Variants in UNC5D observed in about 807,000 individuals in gnomAD.
UNC5D encodes netrin receptor UNC5D.
UNC5D carries 39 observed loss-of-function variants against 105.4 expected under a neutral mutation model. The ratio of observed to expected loss-of-function variants is 0.37; its 90% CI spans 0.29 to 0.48. The LOEUF is 0.48. UNC5D is among the 20% of genes least tolerant of loss of function. The pLI is 0.98. For missense variants in UNC5D, 991 were observed against 1,202.4 expected, an observed-to-expected ratio of 0.82 and a Z score of 2.60; for synonymous variants, 452 against 450.4, an observed-to-expected ratio of 1.00 and a Z score of -0.04.
At chr8:35,470,194 C>T (rs1203849477) in intron 1 of UNC5D, among the ~76,000 whole-genome samples, 1 of 152,066 alleles carries the variant, frequency 6.6e-6, no homozygotes, top group African/African-American at 2.4e-5. Context: ...TTCATTTAGG[C>T]AGGTACTAAT....
intron 3 of UNC5D, among the ~76,000 whole-genome samples, chr8:35,574,946 T>C (rs1407938991): frequency 1.3e-5 from 2 of 152,112 alleles, no homozygotes; most frequent in African/African-American, 4.8e-5. Flanking sequence ...CCAAGGGCCA[T>C]CTTGCATGCT....
chr8:35,560,291 C>G (rs1259474846), intron 2 of UNC5D, among the ~76,000 whole-genome samples: 2 of 152,318 alleles, frequency 1.3e-5, no homozygotes, highest in African/African-American at 2.4e-5. Flanking sequence ...TCTGGAGATA[C>G]TGAAGTAAAT....
At chr8:35,650,790 G>T (rs972996029) in intron 4 of UNC5D, among the ~76,000 whole-genome samples, 1 of 152,104 alleles carries the variant, frequency 6.6e-6, no homozygotes, top group Middle Eastern at 3.2e-3. Flanking sequence ...CTGTCTTTTT[G>T]ATACAGTACT....
chr8:35,686,347 G>A (rs989744007), intron 6 of UNC5D, among the ~76,000 whole-genome samples, 198 bp from the exon 7 acceptor site: 2 of 152,212 alleles, frequency 1.3e-5, no homozygotes, highest in Non-Finnish European at 1.5e-5. Flanking sequence ...AATAGCAAGA[G>A]TATTATACCA....
intron 14 of UNC5D, 114 bp downstream of exon 14, chr8:35,759,583 C>A: frequency 8.2e-7 from 1 of 1,217,568 alleles, no homozygotes; most frequent in Non-Finnish European, 1.2e-6. Context: ...ATGGATTTCA[C>A]CTCAAAACTG....
intron 1 of UNC5D, among the ~76,000 whole-genome samples, chr8:35,492,855 A>G (rs1330846529): frequency 6.6e-6 from 1 of 152,180 alleles, no homozygotes; most frequent in East Asian, 1.9e-4. Flanking sequence ...CTGCACTGCA[A>G]ACAAAGATTG....
chr8:35,481,036 G>T (rs1044943088), intron 1 of UNC5D, among the ~76,000 whole-genome samples: 1 of 152,234 alleles, frequency 6.6e-6, no homozygotes, highest in African/African-American at 2.4e-5. Context: ...GATGTTAACA[G>T]GTTCCAGCAA....
chr8:35,248,097 T>A (rs1240561882), intron 1 of UNC5D, among the ~76,000 whole-genome samples: 1 of 75,866 alleles, frequency 1.3e-5, no homozygotes, highest in Non-Finnish European at 2.2e-5. Flanking sequence ...TATATAAATA[T>A]ATATTATATA....
chr8:35,781,449 T>C lies in UNC5D; in HGVS notation c.2657+6972T>C, dbSNP rs142469571. 9.1e-4 allele frequency among the ~76,000 whole-genome samples: 139 copies of C among 152,298 alleles called. 2 individuals are homozygous for C. The highest frequency in any genetic ancestry group is 3.2e-3 in the African/African-American group (134 of 41,564). On this transcript the variant is annotated intron_variant, in intron 16 of 16. Transcript: ENST00000404895. ...TTCTAGGCAGTGGGTGTGTGTGTGC[T>C]AGGTTTTGAAGGAATAGATTTCCTT...
intron 1 of UNC5D, among the ~76,000 whole-genome samples, chr8:35,298,070 C>T (rs558686841): frequency 6.6e-4 from 101 of 152,288 alleles, no homozygotes; most frequent in African/African-American, 2.4e-3. Context: ...TATGAGCTTC[C>T]CCTGCTCACC....
chr8:35,525,349 C>T lies in UNC5D; in HGVS notation c.104-23943C>T, dbSNP rs1328396253. ...TGATATGGGGGTGTAATAACAACTTCTTCCATGACTACGATGTTTTTTTCT... is the reference window on the plus strand; with the variant it reads ...TGATATGGGGGTGTAATAACAACTTTTTCCATGACTACGATGTTTTTTTCT... On this transcript the variant is annotated intron_variant, in intron 1 of 16. Coordinates refer to ENST00000404895, the MANE Select transcript of UNC5D (RefSeq NM_080872.4). 3 of 1,612,216 alleles carry T rather than the reference C, an allele frequency of 1.9e-6. No individual in the cohort carries two copies. The South Asian group carries it at 3.3e-5, about 18-fold the overall frequency.
chr8:35,246,667 C>T (rs1011872913), intron 1 of UNC5D, among the ~76,000 whole-genome samples: 2 of 152,072 alleles, frequency 1.3e-5, no homozygotes, highest in South Asian at 4.1e-4. Context: ...CACGAAGCAT[C>T]ACGACTCCAG....
At chr8:35,763,704 G>T (rs763676221) in intron 14 of UNC5D, among the ~76,000 whole-genome samples, 15 of 152,146 alleles carry the variant, frequency 9.9e-5, no homozygotes, top group Non-Finnish European at 1.5e-4. Context: ...TACTTTCATT[G>T]AAGTGCATAG....
chr8:35,590,073 G>A (rs1461014368), intron 3 of UNC5D, among the ~76,000 whole-genome samples: 1 of 151,976 alleles, frequency 6.6e-6, no homozygotes, highest in Non-Finnish European at 1.5e-5. Context: ...TAGTGATTTG[G>A]TCCTTTTAGA....
At chr8:35,557,419 T>C (rs1192298340) in intron 2 of UNC5D, among the ~76,000 whole-genome samples, 1 of 152,192 alleles carries the variant, frequency 6.6e-6, no homozygotes, top group East Asian at 1.9e-4. Flanking sequence ...TTATTTTTGG[T>C]CAAGATACAT....
In UNC5D at chr8:35,568,107, T is replaced by G. The variant is rs1300883150; in HGVS notation, c.332T>G (p.Val111Gly). ...TCTCTCCCACCATCAGGTTTGAAGG[T>G]CCGCGAAGTGTTCATCAATGTTACT... ...ETLDESSGLK[V>G]REVFINVTRQ... is the part of the protein sequence containing the mutation. Residue 111 changes from valine (V) to glycine (G), a missense_variant, in exon 3 of 17, where the codon GTC becomes GGC. Physicochemically the swap from Val to Gly is moderately radical, Grantham distance 109. Transcript: ENST00000404895. The G allele has an allele frequency of 5.0e-6, 8 of 1,614,142 alleles. No individual in the cohort carries two copies. In the East Asian group the frequency reaches 1.8e-4, roughly 36 times the overall value.
chr8:35,747,729 T>G (rs1830074513), intron 11 of UNC5D, among the ~76,000 whole-genome samples: 1 of 152,152 alleles, frequency 6.6e-6, no homozygotes, highest in African/African-American at 2.4e-5. Flanking sequence ...GCCAAAGACG[T>G]GAAAGAGGGA....
At chr8:35,503,257 C>A (rs1459000451) in intron 1 of UNC5D, among the ~76,000 whole-genome samples, 6 of 152,212 alleles carry the variant, frequency 3.9e-5, no homozygotes, top group Admixed American at 6.5e-5. Context: ...TAAAGAGATA[C>A]CTGAGACTGA....
At chr8:35,644,986 G>A (rs75018758) in intron 4 of UNC5D, among the ~76,000 whole-genome samples, 1,902 of 152,168 alleles carry the variant, frequency 0.012, 37 homozygotes, top group African/African-American at 0.042. Context: ...CTTTGTCTTC[G>A]TATACCACTG....
Sources: gnomAD v4.1 joint callset for allele counts (sites outside exome capture counted in the v4.1 genomes callset) on GRCh38, gnomAD v4.1.1 for gene constraint, MANE v1.5 for transcripts, NCBI Gene and HGNC (gene_info 2026-07-23, HGNC 2026-07-21) for gene names.